CMC1: variants seen among roughly 807,000 people sequenced by gnomAD.
CMC1 encodes C-X9-C motif containing 1, also known as COX assembly mitochondrial protein homolog.
In CMC1, 14 loss-of-function variants were observed where a neutral mutation model predicts 14.1. The observed-to-expected ratio is 0.99, with a 90% CI of 0.66 to 1.55. CMC1 has a LOEUF of 1.55. Ranked by LOEUF, CMC1 falls within the 40% of genes most tolerant of loss-of-function variation. The pLI, the probability that CMC1 is intolerant of heterozygous loss-of-function variation, is 0.00. For synonymous variants in CMC1, 50 were observed against 38.4 expected (o/e 1.30, Z -1.12); for missense variants, 127 against 123.8 (o/e 1.03, Z -0.12).
At chr3:28,242,022 T>C in intron 1 of CMC1, 1 of 431,104 alleles carries the variant, frequency 2.3e-6, no homozygotes, top group Non-Finnish European at 3.9e-6. Context: ...GTTGCGTTTG[T>C]TGTCTAAAGT....
At chr3:28,308,335 G>A (rs1263180268) in intron 2 of CMC1, among the ~76,000 whole-genome samples, 1 of 151,972 alleles carries the variant, frequency 6.6e-6, no homozygotes, top group Non-Finnish European at 1.5e-5. Flanking sequence ...AATACATTGA[G>A]CAATATAGTA....
At chr3:28,303,488 C>T (rs1702158759) in intron 2 of CMC1, among the ~76,000 whole-genome samples, 1 of 151,944 alleles carries the variant, frequency 6.6e-6, no homozygotes, top group Non-Finnish European at 1.5e-5. Context: ...CTATGAAACC[C>T]CGAAGTTTTG....
At chr3:28,253,958 G>T (rs1215799999) in intron 1 of CMC1, among the ~76,000 whole-genome samples, 4 of 152,128 alleles carry the variant, frequency 2.6e-5, no homozygotes, top group African/African-American at 9.7e-5. Context: ...AAGTGCTGTT[G>T]TCAGTAGCCT....
At chr3:28,251,526 G>T (rs755163668) in intron 1 of CMC1, among the ~76,000 whole-genome samples, 3 of 152,044 alleles carry the variant, frequency 2.0e-5, no homozygotes, top group African/African-American at 7.2e-5. Context: ...AAACCATATT[G>T]CTCCCACCCC....
chr3:28,263,524 G>C (rs1699841197), intron 2 of CMC1, 144 bp downstream of exon 2: 1 of 530,340 alleles, frequency 1.9e-6, no homozygotes. Flanking sequence ...CAGTATTTCA[G>C]CTTTCAGAAC....
chr3:28,269,896 A>G (rs1700196166), intron 2 of CMC1, among the ~76,000 whole-genome samples: 1 of 152,128 alleles, frequency 6.6e-6, no homozygotes, highest in South Asian at 2.1e-4. Flanking sequence ...CCCAGCATGC[A>G]TTAGCTATGT....
At chr3:28,247,221 C>T (rs973595381) in intron 1 of CMC1, among the ~76,000 whole-genome samples, 1 of 151,914 alleles carries the variant, frequency 6.6e-6, no homozygotes, top group Non-Finnish European at 1.5e-5. Context: ...TCTGAGAAGC[C>T]CTGGTTCCTT....
At chr3:28,254,031 A>G (rs1218317845) in intron 1 of CMC1, among the ~76,000 whole-genome samples, 1 of 152,214 alleles carries the variant, frequency 6.6e-6, no homozygotes, top group Non-Finnish European at 1.5e-5. Context: ...TGAGCTAACA[A>G]ATTCAGCCAG....
Position 28,322,358 on chromosome 3 carries a change from A to G in CMC1, c.*2729A>G, listed in dbSNP as rs933692300. The G allele has an allele frequency of 4.0e-5, 6 of 151,292 alleles. No homozygotes were observed. Among genetic ancestry groups the G allele is most frequent in the Non-Finnish European group, 8.9e-5 (6 of 67,438 alleles). 9.4% of individuals were successfully genotyped at this position (151,292 alleles called of 1,614,324 possible). A position where few individuals can be genotyped will look rare whatever the true frequency, so the allele number is the denominator to read the frequency against. On this transcript the variant is annotated 3_prime_UTR_variant, in exon 4 of 4. Transcript: ENST00000466830. ...AGGACAATATTTCACATCCACTTCA[A>G]TTTCAAACAAAAATATTTATTTTAA...
intron 2 of CMC1, among the ~76,000 whole-genome samples, chr3:28,271,079 T>C (rs1165990624): frequency 2.6e-5 from 4 of 151,940 alleles, no homozygotes; most frequent in Non-Finnish European, 5.9e-5. Context: ...TACAGGCATG[T>C]GCCACCATAC....
intron 1 of CMC1, 185 bp from the exon 2 acceptor site, chr3:28,263,106 T>A (rs986576325): frequency 3.8e-6 from 2 of 527,666 alleles, no homozygotes; most frequent in Middle Eastern, 1.0e-3. Flanking sequence ...ATTTTTGTTG[T>A]TGTATATAAA....
In CMC1 at chr3:28,309,136, G is replaced by T. The variant is rs578225938; in HGVS notation, c.110-7197G>T. Among the ~76,000 whole-genome samples, 22 of 151,942 alleles carry T rather than the reference G, an allele frequency of 1.4e-4. No homozygotes were observed. The South Asian group carries it at 4.4e-3, about 30-fold the overall frequency. Reference sequence around the variant, plus strand: ...TTTCCAGTTTCTTCTTTTTCTCCTAGCGTTAAGTGTTAGGATTCCTCAGTG... The same window carrying T: ...TTTCCAGTTTCTTCTTTTTCTCCTATCGTTAAGTGTTAGGATTCCTCAGTG... On this transcript the variant is annotated intron_variant, in intron 2 of 3. Transcript: ENST00000466830.
chr3:28,309,286 A>G (rs1702501227), intron 2 of CMC1, among the ~76,000 whole-genome samples: 1 of 152,072 alleles, frequency 6.6e-6, no homozygotes, highest in Admixed American at 6.6e-5. Flanking sequence ...CCCTTAACTG[A>G]ACATGTCCTA....
chr3:28,264,493 A>G (rs1699903981), intron 2 of CMC1, among the ~76,000 whole-genome samples: 1 of 152,200 alleles, frequency 6.6e-6, no homozygotes, highest in Non-Finnish European at 1.5e-5. Context: ...ATTCCATTTT[A>G]AAACTCATAT....
At chr3:28,318,410 A>T (rs1703041026) in intron 3 of CMC1, 1 of 151,294 alleles carries the variant, frequency 6.6e-6, no homozygotes, top group Non-Finnish European at 1.5e-5. Context: ...ATTTTTTCCC[A>T]TTTTCCCAAA....
intron 1 of CMC1, among the ~76,000 whole-genome samples, chr3:28,259,861 G>A (rs970718217): frequency 6.6e-6 from 1 of 152,052 alleles, no homozygotes; most frequent in Non-Finnish European, 1.5e-5. Flanking sequence ...ACTCATATGT[G>A]TGTGTGTATA....
intron 2 of CMC1, among the ~76,000 whole-genome samples, chr3:28,315,352 A>G (rs1232311316): frequency 6.6e-6 from 1 of 152,210 alleles, no homozygotes; most frequent in Admixed American, 6.6e-5. Context: ...AGTACAATTT[A>G]AAGAGCAAAC....
intron 1 of CMC1, among the ~76,000 whole-genome samples, chr3:28,257,795 G>C (rs1345109683): frequency 1.3e-5 from 2 of 152,066 alleles, no homozygotes; most frequent in Non-Finnish European, 2.9e-5. Context: ...GGGACTACAG[G>C]CGTGAGTGAG....
At chr3:28,264,439 T>C (rs1040192820) in intron 2 of CMC1, among the ~76,000 whole-genome samples, 1 of 152,196 alleles carries the variant, frequency 6.6e-6, no homozygotes, top group Non-Finnish European at 1.5e-5. Context: ...GAATCAACAA[T>C]GTGTGATGGT....
Sources: allele counts gnomAD v4.1 joint callset (sites outside exome capture counted in the v4.1 genomes callset), GRCh38; gene constraint gnomAD v4.1.1; transcripts MANE v1.5; gene names NCBI Gene and HGNC (gene_info 2026-07-23, HGNC 2026-07-21).